Variants in HSDL2 observed in about 807,000 individuals in gnomAD.
The protein encoded by HSDL2 is hydroxysteroid dehydrogenase-like protein 2.
In HSDL2, 27 loss-of-function variants were observed where a neutral mutation model predicts 46.3. The ratio of observed to expected loss-of-function variants is 0.58; its 90% CI spans 0.43 to 0.80. The LOEUF (loss-of-function observed/expected upper bound fraction) is 0.80, where lower values mean the gene tolerates loss of function less well. Among genes scored for constraint, HSDL2 ranks in the 30% least tolerant of loss-of-function variants. HSDL2 has a pLI of 0.00. For synonymous variants in HSDL2, 153 were observed against 163.6 expected, an observed-to-expected ratio of 0.94 and a Z score of 0.50; for missense variants, 451 against 502.7, an observed-to-expected ratio of 0.90 and a Z score of 0.98.
chr9:112,465,513 CTT>C (rs34859726), intron 10 of HSDL2, among the ~76,000 whole-genome samples: 2 of 152,186 alleles, frequency 1.3e-5, no homozygotes, highest in African/African-American at 4.8e-5. Flanking sequence ...GGTTTCAAAA[CTT>C]TTTCATCACT....
intron 6 of HSDL2, among the ~76,000 whole-genome samples, 170 bp from the exon 7 acceptor site, chr9:112,438,261 C>CA (rs1298038007): frequency 1.3e-5 from 2 of 151,844 alleles, no homozygotes; most frequent in African/African-American, 2.4e-5. Flanking sequence ...AACAAAAAAA[C>CA]AAAAAAAATT....
rs78334794 is a variant in HSDL2 at position 112,455,751 on chromosome 9, T to G, written c.1015+1589T>G. On this transcript the variant is annotated intron_variant, in intron 9 of 10. Coordinates refer to ENST00000398805, the MANE Select transcript of HSDL2 (RefSeq NM_032303.5). ...CCCATCTCTCCCTTCACCTCTTCCC[T>G]GCCAGTGTCAGCAGATAATTCCACT... Among the ~76,000 whole-genome samples, 1,471 of 152,338 alleles carry G rather than the reference T, an allele frequency of 9.7e-3. 23 individuals are homozygous for G. Among genetic ancestry groups the G allele is most frequent in the African/African-American group, 0.033 (1,361 of 41,576 alleles).
At chr9:112,404,180 G>A (rs1222932708) in intron 2 of HSDL2, 22 bp downstream of exon 2, 1 of 1,606,876 alleles carries the variant, frequency 6.2e-7, no homozygotes, top group East Asian at 2.2e-5. Flanking sequence ...AGTGCCATTT[G>A]ATAAAATGTC....
rs750393866 is a variant in HSDL2 at position 112,453,999 on chromosome 9, A to G, written c.866-14A>G. ...CCAAGCATTAAGGTCATTTGCTTCA[A>G]TAATATCTTATAGGTGCTGTTCCAG... is the stretch of plus-strand genomic sequence containing the variant. On this transcript the variant is annotated splice_polypyrimidine_tract_variant and intron_variant, in intron 8 of 10. Coordinates refer to ENST00000398805, the MANE Select transcript of HSDL2 (RefSeq NM_032303.5). The G allele has an allele frequency of 2.0e-5, 32 of 1,609,776 alleles. No individual in the cohort carries two copies. The highest frequency in any genetic ancestry group is 4.0e-5 in the African/African-American group (3 of 74,606).
At chr9:112,438,697 TTG>T (rs1832581403) in intron 7 of HSDL2, 72 bp downstream of exon 7, 2 of 820,036 alleles carry the variant, frequency 2.4e-6, no homozygotes, top group South Asian at 2.1e-5. Flanking sequence ...TATCTGTTTT[TTG>T]TGTGTGTTTG....
At chr9:112,426,127 C>T (rs1364784427) in intron 6 of HSDL2, among the ~76,000 whole-genome samples, 1 of 152,120 alleles carries the variant, frequency 6.6e-6, no homozygotes, top group Non-Finnish European at 1.5e-5. Flanking sequence ...TTGTGGCACC[C>T]TGGTCACCCC....
chr9:112,449,156 G>A (rs888307287), intron 8 of HSDL2, among the ~76,000 whole-genome samples: 5 of 145,414 alleles, frequency 3.4e-5, no homozygotes, highest in East Asian at 4.2e-4. Flanking sequence ...GCACGATCTC[G>A]GCTCACTGCA....
intron 1 of HSDL2, among the ~76,000 whole-genome samples, chr9:112,384,533 C>T (rs1239168847): frequency 1.3e-5 from 2 of 151,806 alleles, no homozygotes; most frequent in Non-Finnish European, 2.9e-5. Flanking sequence ...TAAATACTTA[C>T]ATTAAAAATC....
chr9:112,441,030 T>A (rs56218272), intron 7 of HSDL2, among the ~76,000 whole-genome samples: 78,449 of 146,488 alleles, frequency 0.54, 21,040 homozygotes, highest in South Asian at 0.62. Context: ...AATAAATAAA[T>A]AATAAATAAA....
At chr9:112,461,371 G>A (rs1219550204) in intron 10 of HSDL2, among the ~76,000 whole-genome samples, 5 of 152,056 alleles carry the variant, frequency 3.3e-5, no homozygotes, top group African/African-American at 4.8e-5. Flanking sequence ...GAGCCACCGC[G>A]CCCGGCCCCT....
At chr9:112,426,237 T>C (rs983697026) in intron 6 of HSDL2, among the ~76,000 whole-genome samples, 49 of 143,580 alleles carry the variant, frequency 3.4e-4, no homozygotes, top group Admixed American at 2.4e-3. Context: ...AAGCCTTCTT[T>C]TTTTTTTTTT....
In HSDL2 at chr9:112,418,897, G is replaced by T. The variant is rs1381654879; in HGVS notation, c.537G>T (p.Val179=). The T allele has an allele frequency of 6.2e-7, 1 of 1,604,960 alleles. No individual in the cohort carries two copies. Residue 179 remains valine (V), a synonymous_variant, in exon 6 of 11, where the codon GTG becomes GTT. Coordinates refer to ENST00000398805, the MANE Select transcript of HSDL2 (RefSeq NM_032303.5). The part of the protein sequence containing the change: ...TIAKYGMSMY[V]LGMAEEFKGE... The stretch of plus-strand genomic sequence containing the variant: ...CTAAGTATGGTATGTCTATGTATGT[G>T]CTTGGAATGGCAGAAGAATTTAAAG...
At chr9:112,452,474 C>T (rs1033690528) in intron 8 of HSDL2, among the ~76,000 whole-genome samples, 17 of 152,252 alleles carry the variant, frequency 1.1e-4, no homozygotes, top group African/African-American at 3.4e-4. Context: ...AGGCCGGGCA[C>T]GGTGGCTCAC....
intron 1 of HSDL2, among the ~76,000 whole-genome samples, chr9:112,400,994 C>T (rs1293862040): frequency 6.6e-6 from 1 of 152,188 alleles, no homozygotes; most frequent in African/African-American, 2.4e-5. Context: ...AGGACTTCCA[C>T]ATGCTTTTTG....
intron 3 of HSDL2, among the ~76,000 whole-genome samples, chr9:112,406,795 A>G (rs565127546): frequency 1.3e-5 from 2 of 152,212 alleles, no homozygotes; most frequent in South Asian, 4.2e-4. Context: ...CATTCATTTG[A>G]TCCTTATCTT....
At chr9:112,444,422 G>T (rs921966442) in intron 8 of HSDL2, among the ~76,000 whole-genome samples, 4 of 151,208 alleles carry the variant, frequency 2.6e-5, no homozygotes, top group African/African-American at 7.3e-5. Context: ...AAATTGATGG[G>T]TTTTTTTTTT....
At chr9:112,391,901 A>G (rs1831353154) in intron 1 of HSDL2, among the ~76,000 whole-genome samples, 1 of 151,738 alleles carries the variant, frequency 6.6e-6, no homozygotes, top group Admixed American at 6.6e-5. Flanking sequence ...AAAAAAAAGA[A>G]AAGAAAAGAA....
chr9:112,447,762 G>T (rs1375829024), intron 8 of HSDL2, among the ~76,000 whole-genome samples: 1 of 152,182 alleles, frequency 6.6e-6, no homozygotes, highest in African/African-American at 2.4e-5. Flanking sequence ...GGATAAAATT[G>T]CAGGCTCTGG....
At chr9:112,431,140 G>A (rs1015544754) in intron 6 of HSDL2, among the ~76,000 whole-genome samples, 1 of 151,912 alleles carries the variant, frequency 6.6e-6, no homozygotes, top group African/African-American at 2.4e-5. Context: ...CTGAGATGGA[G>A]AAAGCTGCAG....
Sources: gnomAD v4.1 joint callset for allele counts (sites outside exome capture counted in the v4.1 genomes callset) on GRCh38, gnomAD v4.1.1 for gene constraint, MANE v1.5 for transcripts, NCBI Gene and HGNC (gene_info 2026-07-23, HGNC 2026-07-21) for gene names.